The following TCF3 variants were observed in gnomAD, a reference collection of about 807,000 sequenced individuals.
The protein encoded by TCF3 is transcription factor E2-alpha.
Under a neutral mutation model 72.3 loss-of-function variants are expected in TCF3, and 54 were observed. The ratio of observed to expected loss-of-function variants is 0.75; its 90% confidence interval spans 0.60 to 0.94. The LOEUF (loss-of-function observed/expected upper bound fraction) is 0.94, where lower values mean the gene tolerates loss of function less well. Among genes scored for constraint, TCF3 ranks in the 40% least tolerant of loss-of-function variants. The pLI, the probability that TCF3 is intolerant of heterozygous loss-of-function variation, is 0.00. For synonymous variants in TCF3, 525 were observed against 412.6 expected, an observed-to-expected ratio of 1.27 and a Z score of -3.30; for missense variants, 1,078 against 934.4, an observed-to-expected ratio of 1.15 and a Z score of -2.00.
At position 1,638,133 on chromosome 19, in the gene TCF3, C is replaced by CA. The variant is rs547259603; in HGVS notation, c.146-5729dup. Among the ~76,000 whole-genome samples, 9 of 152,302 alleles carry CA rather than the reference C, an allele frequency of 5.9e-5. No individual in the cohort carries two copies. The East Asian group carries it at 1.5e-3, about 26-fold the overall frequency. On this transcript the variant is annotated intron_variant, in intron 3 of 18. Transcript: ENST00000262965. Reference sequence around the variant, plus strand: ...ATCAAGAGATTCCTAGAAGCCGTAACAAGACAGGCACACAAGGAAAGCCCT... The same window carrying CA: ...ATCAAGAGATTCCTAGAAGCCGTAACAAAGACAGGCACACAAGGAAAGCCCT...
chr19:1,617,074 T>C (rs1405758460), intron 16 of TCF3, among the ~76,000 whole-genome samples: 1 of 152,222 alleles, frequency 6.6e-6, no homozygotes, highest in African/African-American at 2.4e-5. Flanking sequence ...AAATGCAAAT[T>C]AGGGTGGCTT....
At chr19:1,620,880 C>G in intron 13 of TCF3, 88 bp downstream of exon 13, 1 of 1,284,214 alleles carries the variant, frequency 7.8e-7, no homozygotes, top group Non-Finnish European at 1.0e-6. Flanking sequence ...GCCTCCCCTC[C>G]CCCGCAAAGC....
At chr19:1,619,734 C>T in intron 14 of TCF3, 46 bp downstream of exon 14, 3 of 1,026,210 alleles carry the variant, frequency 2.9e-6, no homozygotes, top group Non-Finnish European at 3.9e-6. Context: ...GTCTGTCCTG[C>T]AAATTCTGTC....
chr19:1,614,749 C>T lies in TCF3; in HGVS notation c.1822+536G>A, dbSNP rs1055670315. On this transcript the variant is annotated intron_variant, in intron 18 of 18. Coordinates refer to ENST00000262965, the MANE Select transcript of TCF3 (RefSeq NM_003200.5). This position sits in a 1 kb window ranked among gnomAD's most constrained non-coding sequence, Gnocchi z 5.6. Reference sequence around the variant, plus strand: ...GACAGGGTCTGTCTGTATCCTTCCTCCCCCTGGCCCTGGGAAATGGGGGTG... The same window carrying T: ...GACAGGGTCTGTCTGTATCCTTCCTTCCCCTGGCCCTGGGAAATGGGGGTG... Among the ~76,000 whole-genome samples, 7 of 152,076 alleles carry T rather than the reference C, an allele frequency of 4.6e-5. No homozygotes were observed. Among genetic ancestry groups the T allele is most frequent in the Non-Finnish European group, 1.0e-4 (7 of 68,016 alleles).
At chr19:1,629,274 G>C (rs759644447) in intron 5 of TCF3, among the ~76,000 whole-genome samples, 1 of 152,006 alleles carries the variant, frequency 6.6e-6, no homozygotes, top group African/African-American at 2.4e-5. Flanking sequence ...AGGCCTGGGG[G>C]CCCTGGCGGG....
chr19:1,620,609 T>C (rs865812579), intron 13 of TCF3, among the ~76,000 whole-genome samples: 5 of 152,208 alleles, frequency 3.3e-5, no homozygotes, highest in African/African-American at 7.2e-5. Flanking sequence ...TCCTGCCTCC[T>C]GGCTTTGCCT....
intron 3 of TCF3, among the ~76,000 whole-genome samples, chr19:1,640,091 C>A (rs998793064): frequency 3.3e-5 from 5 of 152,148 alleles, no homozygotes; most frequent in Admixed American, 1.3e-4. Context: ...CATTGAGGAC[C>A]GCGGCGCCCT....
In TCF3 at chr19:1,622,177, C is replaced by T; in HGVS notation, c.699G>A (p.Gln233=). 2 of 1,570,498 alleles carry T rather than the reference C, an allele frequency of 1.3e-6. No individual in the cohort carries two copies. Among genetic ancestry groups the T allele is most frequent in the East Asian group, 4.7e-5 (2 of 42,858 alleles). Residue 233 remains glutamine, a synonymous_variant, in exon 10 of 19, where the codon CAG becomes CAA. Coordinates refer to ENST00000262965, the MANE Select transcript of TCF3 (RefSeq NM_003200.5). ...CACCCAGCATGGGCCCGAAGCCCGC[C>T]TGGCCCGGGGGACTCCAGAGCTCGG... ...PSAELWSPPG[Q]AGFGPMLGGG...
At chr19:1,617,800 C>T (rs113454102) in intron 16 of TCF3, among the ~76,000 whole-genome samples, 12 of 152,180 alleles carry the variant, frequency 7.9e-5, no homozygotes, top group Admixed American at 6.5e-4. Flanking sequence ...GGGGTGGGGC[C>T]GTCCTGGGCA....
chr19:1,641,199 A>AG (rs1347551564), intron 3 of TCF3, among the ~76,000 whole-genome samples: 1 of 152,154 alleles, frequency 6.6e-6, no homozygotes. Context: ...AGCAATAAAA[A>AG]GAAAAAAAAA....
intron 2 of TCF3, among the ~76,000 whole-genome samples, chr19:1,649,025 T>C (rs1234051086): frequency 4.6e-5 from 7 of 152,206 alleles, no homozygotes; most frequent in Non-Finnish European, 7.3e-5. Context: ...GCCTGAACTG[T>C]GTGACTTCTG....
In TCF3 at chr19:1,615,611, C is replaced by A. The variant is rs763513002; in HGVS notation, c.1586+75G>T. 2.1e-6 allele frequency: 3 copies of A among 1,461,214 alleles called. No individual in the cohort carries two copies. Among genetic ancestry groups the A allele is most frequent in the Non-Finnish European group, 2.8e-6 (3 of 1,088,758 alleles). The allele number at this position is 1,461,214 out of a possible 1,614,324, so 90.5% of individuals were successfully genotyped here. On this transcript the variant is annotated intron_variant, in intron 17 of 18. Transcript: ENST00000262965. This position sits in a 1 kb window ranked among gnomAD's most constrained non-coding sequence, Gnocchi z 7.3. ...CGCCGACGGCCTCCCAGTGTGGGTGCGGTGTGCGTGTGGCCTGTGCACATG... is the reference window on the plus strand; with the variant it reads ...CGCCGACGGCCTCCCAGTGTGGGTGAGGTGTGCGTGTGGCCTGTGCACATG...
chr19:1,637,974 T>G (rs1479318145), intron 3 of TCF3, among the ~76,000 whole-genome samples: 2 of 151,976 alleles, frequency 1.3e-5, no homozygotes, highest in Non-Finnish European at 2.9e-5. Context: ...AGGATGAAGT[T>G]CAAGAAGTTC....
At chr19:1,627,807 AGG>A (rs1355831654) in intron 5 of TCF3, among the ~76,000 whole-genome samples, 1 of 97,246 alleles carries the variant, frequency 1.0e-5, no homozygotes, top group Non-Finnish European at 2.0e-5. Context: ...CAGAGCTCAC[AGG>A]GGGTGAGGCG....
chr19:1,614,753 CT>C lies in TCF3; in HGVS notation c.1822+531del, dbSNP rs1252592830. Among the ~76,000 whole-genome samples, 1 of 152,090 alleles carries C rather than the reference CT, an allele frequency of 6.6e-6. No homozygotes were observed. Among genetic ancestry groups the C allele is most frequent in the Non-Finnish European group, 1.5e-5 (1 of 67,990 alleles). On this transcript the variant is annotated intron_variant, in intron 18 of 18. Coordinates refer to ENST00000262965, the MANE Select transcript of TCF3 (RefSeq NM_003200.5). The surrounding 1 kb of genome is among the most constrained non-coding windows in gnomAD (Gnocchi z 5.6). ...GGGTCTGTCTGTATCCTTCCTCCCC[CT>C]GGCCCTGGGAAATGGGGGTGATAGG... is the stretch of plus-strand genomic sequence containing the variant.
In TCF3 at chr19:1,632,075, G is replaced by A; in HGVS notation, c.261C>T (p.Ser87=). The A allele has an allele frequency of 6.2e-7, 1 of 1,613,532 alleles. No homozygotes were observed. The highest frequency in any genetic ancestry group is 8.5e-7 in the Non-Finnish European group (1 of 1,179,866). The change falls in exon 5 of 19, where the codon AGC becomes AGT. Residue 87 remains serine, a synonymous_variant. Transcript: ENST00000262965. The stretch of plus-strand genomic sequence containing the variant: ...GTCCCAGGAATGTGGATGAAGAGAG[G>A]CTGCTGTGCGACTCAGTGAAGTGGG... The part of the protein sequence containing the change: ...EGTHFTESHS[S]LSSSTFLGPG...
chr19:1,620,830 G>T, intron 13 of TCF3, 138 bp downstream of exon 13: 1 of 880,940 alleles, frequency 1.1e-6, no homozygotes. Flanking sequence ...CTCCCTCCCC[G>T]CTGCCTGCCT....
intron 6 of TCF3, among the ~76,000 whole-genome samples, chr19:1,626,381 C>T (rs1404471606): frequency 6.6e-6 from 1 of 151,768 alleles, no homozygotes; most frequent in Non-Finnish European, 1.5e-5. Flanking sequence ...ACCCAGGAGA[C>T]AGAGGTTGCG....
At position 1,623,937 on chromosome 19, in the gene TCF3, CT is replaced by C. The variant is rs1296710816; in HGVS notation, c.549+13del. ...TGACGAGCTGTGGGGTCCCTTCTCC[CT>C]CGTGCGACTCACCGAGGATGGAAGA... On this transcript the variant is annotated intron_variant, in intron 8 of 18. Transcript: ENST00000262965. 1 of 1,613,094 alleles carries C rather than the reference CT, an allele frequency of 6.2e-7. No individual in the cohort carries two copies. The highest frequency in any genetic ancestry group is 8.5e-7 in the Non-Finnish European group (1 of 1,179,838).
Sources: allele counts gnomAD v4.1 joint callset (sites outside exome capture counted in the v4.1 genomes callset), GRCh38; gene constraint gnomAD v4.1.1; non-coding constraint Gnocchi (gnomAD v3.1); transcripts MANE v1.5; gene names NCBI Gene and HGNC (gene_info 2026-07-23, HGNC 2026-07-21).